The following HS3ST4 variants were observed in gnomAD, a reference collection of about 807,000 sequenced individuals.
The protein encoded by HS3ST4 is heparan sulfate glucosamine 3-O-sulfotransferase 4.
HS3ST4 carries 17 observed loss-of-function variants against 29.2 expected under a neutral mutation model. That is an observed-to-expected ratio of 0.58 (90% CI 0.40 to 0.87). The LOEUF (loss-of-function observed/expected upper bound fraction) is 0.87. HS3ST4 is among the 40% of genes least tolerant of loss of function. The pLI is 0.00. For missense variants in HS3ST4, 627 were observed against 634.5 expected (o/e 0.99, Z 0.13); for synonymous variants, 314 against 285.7 (o/e 1.10, Z -1.00).
chr16:25,703,324 G>C (rs1035952548), intron 1 of HS3ST4, among the ~76,000 whole-genome samples: 2 of 152,184 alleles, frequency 1.3e-5, no homozygotes, highest in South Asian at 4.1e-4. Flanking sequence ...CAGTCGCCGT[G>C]GGAGTGGCAG....
At chr16:26,125,936 G>T (rs1357955033) in intron 1 of HS3ST4, among the ~76,000 whole-genome samples, 1 of 152,222 alleles carries the variant, frequency 6.6e-6, no homozygotes, top group African/African-American at 2.4e-5. Flanking sequence ...TGGATACTCA[G>T]TGTATTTTGC....
intron 1 of HS3ST4, chr16:25,933,297 A>G (rs1968484122): frequency 6.3e-6 from 3 of 476,840 alleles, no homozygotes; most frequent in Non-Finnish European, 1.3e-5. Flanking sequence ...TCTGTTAGAC[A>G]GCGGATTAGA....
chr16:26,038,960 G>A (rs1349293932), intron 1 of HS3ST4, among the ~76,000 whole-genome samples: 1 of 152,058 alleles, frequency 6.6e-6, no homozygotes, highest in Non-Finnish European at 1.5e-5. Flanking sequence ...TGGGATTACA[G>A]GCATGAGCCA....
At chr16:25,714,221 A>G (rs1966436545) in intron 1 of HS3ST4, among the ~76,000 whole-genome samples, 1 of 152,180 alleles carries the variant, frequency 6.6e-6, no homozygotes, top group Non-Finnish European at 1.5e-5. Context: ...ATACATGAAA[A>G]TAAAATAAAG....
intron 1 of HS3ST4, among the ~76,000 whole-genome samples, chr16:25,775,635 C>T (rs1472609022): frequency 6.6e-6 from 1 of 152,212 alleles, no homozygotes; most frequent in East Asian, 1.9e-4. Flanking sequence ...CTTACAATTC[C>T]TCACAACTTT....
chr16:25,718,738 C>G (rs1261141477), intron 1 of HS3ST4, among the ~76,000 whole-genome samples: 1 of 152,036 alleles, frequency 6.6e-6, no homozygotes, highest in Non-Finnish European at 1.5e-5. Flanking sequence ...ATCAGATAGG[C>G]AGTGGGATGC....
chr16:26,126,061 A>G (rs1899339701), intron 1 of HS3ST4, among the ~76,000 whole-genome samples: 1 of 152,222 alleles, frequency 6.6e-6, no homozygotes, highest in Admixed American at 6.5e-5. Flanking sequence ...TACTTTGAAC[A>G]GAAGTCCTTT....
intron 1 of HS3ST4, among the ~76,000 whole-genome samples, chr16:26,054,896 C>T (rs983468303): frequency 4.6e-5 from 7 of 152,120 alleles, no homozygotes; most frequent in South Asian, 2.1e-4. Context: ...AAGGTGTTTT[C>T]GCTTCTCTTC....
chr16:26,020,634 C>A (rs1368449344), intron 1 of HS3ST4, among the ~76,000 whole-genome samples: 2 of 152,172 alleles, frequency 1.3e-5, no homozygotes, highest in Non-Finnish European at 2.9e-5. Context: ...ACTTTGAGAA[C>A]CTCTCATGTC....
chr16:25,994,667 A>G (rs1325929785), intron 1 of HS3ST4, among the ~76,000 whole-genome samples: 1 of 152,192 alleles, frequency 6.6e-6, no homozygotes, highest in Non-Finnish European at 1.5e-5. Flanking sequence ...GAAAATCTAA[A>G]CTGTACCAAA....
intron 1 of HS3ST4, among the ~76,000 whole-genome samples, chr16:25,854,721 C>T (rs186314666): frequency 2.0e-3 from 298 of 151,222 alleles, no homozygotes; most frequent in African/African-American, 6.4e-3. Flanking sequence ...TGGCTCTTTC[C>T]GTTATAATCC....
chr16:26,134,063 T>G (rs561688483), intron 1 of HS3ST4, among the ~76,000 whole-genome samples: 20 of 152,276 alleles, frequency 1.3e-4, no homozygotes, highest in African/African-American at 4.3e-4. Flanking sequence ...ACATTGAGAT[T>G]AGGGGAAAAT....
At chr16:25,786,635 G>A (rs1468077531) in intron 1 of HS3ST4, among the ~76,000 whole-genome samples, 1 of 152,048 alleles carries the variant, frequency 6.6e-6, no homozygotes, top group African/African-American at 2.4e-5. Context: ...ATGTGATCTT[G>A]TTCTCTGTAG....
intron 1 of HS3ST4, among the ~76,000 whole-genome samples, chr16:25,994,767 A>G (rs1458895770): frequency 1.3e-5 from 2 of 152,246 alleles, no homozygotes; most frequent in African/African-American, 2.4e-5. Flanking sequence ...TCTCATTTGT[A>G]TCTCACGAAA....
At chr16:26,060,058 G>A (rs747850919) in intron 1 of HS3ST4, among the ~76,000 whole-genome samples, 40 of 152,168 alleles carry the variant, frequency 2.6e-4, no homozygotes, top group Non-Finnish European at 3.4e-4. Flanking sequence ...GATTACAGGC[G>A]TGAGCCACTG....
chr16:25,925,152 T>C (rs550938202), intron 1 of HS3ST4, among the ~76,000 whole-genome samples: 1 of 151,400 alleles, frequency 6.6e-6, no homozygotes, highest in East Asian at 1.9e-4. Flanking sequence ...ACTGAGCTCC[T>C]ACTTCTACAT....
chr16:26,136,917 C>G lies in HS3ST4; in HGVS notation c.*669C>G, dbSNP rs951610575. ...ACACAGAAGAAAATGAAAGCTGACA[C>G]ACCTCGAAGCCTTCTTTCCAAGAGC... On this transcript the variant is annotated 3_prime_UTR_variant, in exon 2 of 2. Coordinates refer to ENST00000331351, the MANE Select transcript of HS3ST4 (RefSeq NM_006040.3). 6.5e-6 allele frequency: 1 copy of G among 152,868 alleles called. No homozygotes were observed. Among genetic ancestry groups the G allele is most frequent in the Non-Finnish European group, 1.5e-5 (1 of 68,666 alleles). The allele number at this position is 152,868 out of a possible 1,614,324, so 9.5% of individuals were successfully genotyped here. A position where few individuals can be genotyped will look rare whatever the true frequency, so the allele number is the denominator to read the frequency against.
intron 1 of HS3ST4, among the ~76,000 whole-genome samples, chr16:25,993,591 C>G (rs984061055): frequency 6.6e-6 from 1 of 151,962 alleles, no homozygotes; most frequent in Non-Finnish European, 1.5e-5. Context: ...TTTAACCACT[C>G]TGGGACTCAG....
At chr16:25,781,553 T>G (rs1291353350) in intron 1 of HS3ST4, among the ~76,000 whole-genome samples, 3 of 152,170 alleles carry the variant, frequency 2.0e-5, no homozygotes, top group Non-Finnish European at 4.4e-5. Context: ...CACATGAGCT[T>G]CTGCACAAAC....
Sources: gnomAD v4.1 joint callset for allele counts (sites outside exome capture counted in the v4.1 genomes callset) on GRCh38, gnomAD v4.1.1 for gene constraint, MANE v1.5 for transcripts, NCBI Gene and HGNC (gene_info 2026-07-23, HGNC 2026-07-21) for gene names.